TCF4: variants seen among roughly 807,000 people sequenced by gnomAD.
TCF4 encodes SL3-3 enhancer factor 2.
TCF4 carries 3 observed loss-of-function variants against 82.1 expected under a neutral mutation model. The observed-to-expected ratio is 0.04, with a 90% CI of 0.02 to 0.09. The LOEUF is 0.09. TCF4 is among the 10% of genes least tolerant of loss of function. The pLI, the probability that TCF4 is intolerant of heterozygous loss-of-function variation, is 1.00. For synonymous variants in TCF4, 276 were observed against 309.6 expected, an observed-to-expected ratio of 0.89 and a Z score of 1.14; for missense variants, 518 against 852.7, an observed-to-expected ratio of 0.61 and a Z score of 4.89.
At chr18:55,484,518 T>A (rs1198693440) in intron 3 of TCF4, among the ~76,000 whole-genome samples, 2 of 152,090 alleles carry the variant, frequency 1.3e-5, no homozygotes, top group East Asian at 3.9e-4. Context: ...AAATAATGAG[T>A]TTAGGCAAAG....
intron 3 of TCF4, among the ~76,000 whole-genome samples, chr18:55,502,195 T>C (rs1329501132): frequency 1.3e-5 from 2 of 152,160 alleles, no homozygotes; most frequent in African/African-American, 4.8e-5. Flanking sequence ...ATCCACCACA[T>C]TGTTGTGGTC....
intron 2 of TCF4, among the ~76,000 whole-genome samples, chr18:55,623,246 G>A (rs2097723284): frequency 6.6e-6 from 1 of 152,038 alleles, no homozygotes; most frequent in South Asian, 2.1e-4. Flanking sequence ...AATTCTTTGA[G>A]AAGTTTAGAT....
At chr18:55,578,227 T>C (rs745820628) in intron 3 of TCF4, among the ~76,000 whole-genome samples, 2 of 152,156 alleles carry the variant, frequency 1.3e-5, no homozygotes, top group African/African-American at 2.4e-5. Context: ...TCTCAATTTT[T>C]AATAATTTTT....
chr18:55,606,274 T>G (rs540575347), intron 2 of TCF4, among the ~76,000 whole-genome samples: 1 of 152,298 alleles, frequency 6.6e-6, no homozygotes, highest in Non-Finnish European at 1.5e-5. Context: ...TGTCTACACA[T>G]TTGGTCTAAA....
intron 3 of TCF4, among the ~76,000 whole-genome samples, chr18:55,517,095 T>C (rs1164468486): frequency 1.3e-5 from 2 of 152,188 alleles, no homozygotes; most frequent in Non-Finnish European, 1.5e-5. Flanking sequence ...GAAACGGTTA[T>C]AATAAGAGCT....
chr18:55,479,072 T>C (rs2924331), intron 3 of TCF4: 94,245 of 151,568 alleles, frequency 0.62, 29,766 homozygotes, highest in East Asian at 0.99. Context: ...TCCTCAAACA[T>C]TGCAAGTTTC....
chr18:55,530,846 T>A (rs1187513269), intron 3 of TCF4, among the ~76,000 whole-genome samples: 1 of 152,172 alleles, frequency 6.6e-6, no homozygotes, highest in African/African-American at 2.4e-5. Flanking sequence ...ACAGACATTC[T>A]ATGAAACTAC....
At chr18:55,601,434 A>C (rs1478394945) in intron 2 of TCF4, among the ~76,000 whole-genome samples, 1 of 150,752 alleles carries the variant, frequency 6.6e-6, no homozygotes, top group Non-Finnish European at 1.5e-5. Flanking sequence ...CTGAGGCCCA[A>C]CTGGACTTCT....
At position 55,259,930 on chromosome 18, in the gene TCF4, G is replaced by C; in HGVS notation, c.1069+19C>G. On this transcript the variant is annotated intron_variant, in intron 13 of 19. Coordinates refer to ENST00000354452, the MANE Select transcript of TCF4 (RefSeq NM_001083962.2). Reference sequence around the variant, plus strand: ...CTTATAAACTGTTATATGATGAAATGGGATTTGAAATACACTACCTGAGAG... The same window carrying C: ...CTTATAAACTGTTATATGATGAAATCGGATTTGAAATACACTACCTGAGAG... The C allele has an allele frequency of 6.3e-7, 1 of 1,594,310 alleles. No homozygotes were observed. The highest frequency in any genetic ancestry group is 8.6e-7 in the Non-Finnish European group (1 of 1,162,258).
chr18:55,550,293 C>G (rs2097249450), intron 3 of TCF4: 1 of 152,126 alleles, frequency 6.6e-6, no homozygotes, highest in South Asian at 2.1e-4. Flanking sequence ...ACTTTAATGT[C>G]AATATTTACA....
chr18:55,375,541 T>C (rs1205583707), intron 6 of TCF4, among the ~76,000 whole-genome samples: 1 of 152,130 alleles, frequency 6.6e-6, no homozygotes, highest in Non-Finnish European at 1.5e-5. Context: ...TCTTTGCCAA[T>C]GTACTAGCAC....
At chr18:55,275,275 G>GACAAAAAA (rs1555795910) in intron 10 of TCF4, among the ~76,000 whole-genome samples, 1 of 71,376 alleles carries the variant, frequency 1.4e-5, no homozygotes. Context: ...ACTACAGATA[G>GACAAAAAA]AAAAAAAAAA....
chr18:55,598,397 T>G (rs921758346), intron 2 of TCF4, among the ~76,000 whole-genome samples: 14 of 152,210 alleles, frequency 9.2e-5, no homozygotes, highest in Non-Finnish European at 1.9e-4. Context: ...TTTTTTATTT[T>G]TTTATTATAC....
At chr18:55,429,764 C>CAAAAAAAAAAAAA (rs35255242) in intron 5 of TCF4, among the ~76,000 whole-genome samples, 1 of 57,178 alleles carries the variant, frequency 1.7e-5, no homozygotes, top group African/African-American at 8.4e-5. Flanking sequence ...GACTCCATCT[C>CAAAAAAAAAAAAA]AAAAAAAAAA....
upstream of TCF4, chr18:55,588,613 C>G: frequency 1.3e-6 from 2 of 1,494,940 alleles, no homozygotes; most frequent in South Asian, 2.5e-5. Context: ...TTCCCTCTCA[C>G]TCACACATCC....
intron 8 of TCF4, among the ~76,000 whole-genome samples, chr18:55,282,614 T>C (rs1396663769): frequency 6.6e-6 from 1 of 152,092 alleles, no homozygotes; most frequent in Non-Finnish European, 1.5e-5. Flanking sequence ...ATAGAAAGTT[T>C]AACAACACAA....
At chr18:55,387,016 C>T (rs375543267) in intron 6 of TCF4, among the ~76,000 whole-genome samples, 13 of 152,210 alleles carry the variant, frequency 8.5e-5, no homozygotes, top group East Asian at 5.8e-4. Context: ...GGGAGAGAAT[C>T]ATTTCTAGAG....
In TCF4 at chr18:55,453,237, G is replaced by GT. The variant is rs996525454; in HGVS notation, c.304+7781dup. ...AAACCTGAACTTGACACAAGAAGCT[G>GT]TGACCCCCATCTTTAGACAATGAGG... On this transcript the variant is annotated intron_variant, in intron 5 of 19. Transcript: ENST00000354452. Among the ~76,000 whole-genome samples the GT allele has an allele frequency of 5.2e-4, 4 of 7,676 alleles. No individual in the cohort carries two copies. The Non-Finnish European group carries it at 0.057, about 110-fold the overall frequency. 5.0% of individuals were successfully genotyped at this position (7,676 alleles called of 152,430 possible).
At chr18:55,616,601 T>C (rs978201008) in intron 2 of TCF4, among the ~76,000 whole-genome samples, 5 of 152,162 alleles carry the variant, frequency 3.3e-5, no homozygotes, top group African/African-American at 1.2e-4. Flanking sequence ...AGGGTTCCAA[T>C]TTCTTCACAT....
Sources: gnomAD v4.1 joint callset for allele counts (sites outside exome capture counted in the v4.1 genomes callset) on GRCh38, gnomAD v4.1.1 for gene constraint, MANE v1.5 for transcripts, NCBI Gene and HGNC (gene_info 2026-07-23, HGNC 2026-07-21) for gene names.